SEC22A: variants seen among roughly 807,000 people sequenced by gnomAD.
The protein encoded by SEC22A is vesicle-trafficking protein SEC22a.
SEC22A carries 22 observed loss-of-function variants against 35.3 expected under a neutral mutation model. The observed-to-expected ratio is 0.62, with a 90% CI of 0.45 to 0.89. The LOEUF is 0.89. Among genes scored for constraint, SEC22A ranks in the 40% least tolerant of loss-of-function variants. SEC22A has a pLI of 0.00. For missense variants in SEC22A, 354 were observed against 362.5 expected (o/e 0.98, Z 0.19); for synonymous variants, 119 against 129.5 (o/e 0.92, Z 0.55).
intron 2 of SEC22A, among the ~76,000 whole-genome samples, chr3:123,212,554 CTT>C (rs942709103): frequency 3.3e-5 from 5 of 151,870 alleles, no homozygotes; most frequent in East Asian, 1.9e-4. Context: ...TTTTGACTCT[CTT>C]TTAAAATTAA....
intron 4 of SEC22A, among the ~76,000 whole-genome samples, chr3:123,226,748 G>T (rs1489921402): frequency 6.6e-6 from 1 of 152,124 alleles, no homozygotes; most frequent in Non-Finnish European, 1.5e-5. Flanking sequence ...TTTTGCATTG[G>T]TTGCCTGTAC....
chr3:123,273,808 C>CAAAAAAAAAAAAAAAAAAAAAAAAA lies in SEC22A; in HGVS notation c.*2092_*2093insAAAAAAAAAAAAAAAAAAAAAAAAA, dbSNP rs1433321578. On this transcript the variant is annotated 3_prime_UTR_variant, in exon 7 of 7. Transcript: ENST00000492595. ...TGGCCAACAGAGCGAGACTCTGTCTCAAAAAAGAAAGGTTTTCTAAACTAA... is the reference window on the plus strand; with the variant it reads ...TGGCCAACAGAGCGAGACTCTGTCTCAAAAAAAAAAAAAAAAAAAAAAAAAAAAAAAGAAAGGTTTTCTAAACTAA... The CAAAAAAAAAAAAAAAAAAAAAAAAA allele has an allele frequency of 2.0e-5, 3 of 151,748 alleles. No homozygotes were observed. The highest frequency in any genetic ancestry group is 6.5e-5 in the Admixed American group (1 of 15,272). 9.4% of individuals were successfully genotyped at this position (151,748 alleles called of 1,614,324 possible). A position where few individuals can be genotyped will look rare whatever the true frequency, so the allele number is the denominator to read the frequency against.
At chr3:123,241,357 T>G (rs1202433715) in intron 4 of SEC22A, among the ~76,000 whole-genome samples, 3 of 152,158 alleles carry the variant, frequency 2.0e-5, no homozygotes, top group Non-Finnish European at 4.4e-5. Flanking sequence ...TCAGTCACAC[T>G]TCAGTAATAA....
intron 5 of SEC22A, among the ~76,000 whole-genome samples, chr3:123,247,696 A>G (rs142909661): frequency 2.6e-4 from 40 of 152,320 alleles, no homozygotes; most frequent in African/African-American, 9.6e-4. Context: ...CAGAAGAACA[A>G]TAATCTTATT....
chr3:123,209,129 A>C, intron 1 of SEC22A, 70 bp from the exon 2 acceptor site: 1 of 1,244,468 alleles, frequency 8.0e-7, no homozygotes, highest in Non-Finnish European at 1.2e-6. Context: ...AGTAAGTTGA[A>C]CATTTTTACA....
chr3:123,265,230 T>C (rs1028792106), intron 6 of SEC22A, among the ~76,000 whole-genome samples: 3 of 152,210 alleles, frequency 2.0e-5, no homozygotes, highest in African/African-American at 7.2e-5. Context: ...AATGCAAATA[T>C]TGTGCCATTT....
chr3:123,221,149 C>G (rs1036354679), intron 2 of SEC22A, among the ~76,000 whole-genome samples: 17 of 151,468 alleles, frequency 1.1e-4, no homozygotes, highest in African/African-American at 3.9e-4. Flanking sequence ...AGTAAGGTGA[C>G]CAGTATGGAT....
chr3:123,202,717 G>T (rs900668694), intron 1 of SEC22A, among the ~76,000 whole-genome samples: 6 of 152,138 alleles, frequency 3.9e-5, no homozygotes, highest in African/African-American at 1.4e-4. Context: ...TCATCCACCT[G>T]GGGCAGGGGG....
intron 2 of SEC22A, among the ~76,000 whole-genome samples, chr3:123,218,476 CTGTG>C (rs1190718524): frequency 7.2e-5 from 11 of 151,850 alleles, no homozygotes; most frequent in African/African-American, 2.7e-4. Context: ...GTGTGTCTGT[CTGTG>C]TGTGAGTAAT....
chr3:123,218,411 C>T (rs952443583), intron 2 of SEC22A, among the ~76,000 whole-genome samples: 4 of 152,100 alleles, frequency 2.6e-5, no homozygotes, highest in Non-Finnish European at 5.9e-5. Context: ...AAAACCTTGG[C>T]AATTTAAAAA....
At chr3:123,250,148 G>A (rs1054650538) in intron 5 of SEC22A, among the ~76,000 whole-genome samples, 5 of 151,996 alleles carry the variant, frequency 3.3e-5, no homozygotes, top group East Asian at 3.9e-4. Flanking sequence ...ACGGTGGCTC[G>A]CACCTGTAAT....
intron 4 of SEC22A, among the ~76,000 whole-genome samples, chr3:123,227,448 G>A (rs547938735): frequency 1.3e-5 from 2 of 151,936 alleles, no homozygotes; most frequent in East Asian, 3.9e-4. Flanking sequence ...ACACACGGGG[G>A]CCTGTCAAGG....
intron 4 of SEC22A, among the ~76,000 whole-genome samples, chr3:123,236,584 A>G (rs1937422537): frequency 6.6e-6 from 1 of 152,104 alleles, no homozygotes; most frequent in African/African-American, 2.4e-5. Flanking sequence ...GGGTGAACTT[A>G]GTTTTGAATC....
At chr3:123,251,208 T>C (rs1937609998) in intron 5 of SEC22A, among the ~76,000 whole-genome samples, 1 of 152,232 alleles carries the variant, frequency 6.6e-6, no homozygotes, top group African/African-American at 2.4e-5. Flanking sequence ...TTTTTTTGTT[T>C]ATTTAAAACA....
At chr3:123,208,456 C>T (rs1445555981) in intron 1 of SEC22A, 2 of 152,050 alleles carry the variant, frequency 1.3e-5, no homozygotes, top group African/African-American at 4.8e-5. Context: ...ACTGTTTGTA[C>T]CAGTTTTTAC....
At chr3:123,230,965 G>A (rs1937315743) in intron 4 of SEC22A, among the ~76,000 whole-genome samples, 1 of 152,016 alleles carries the variant, frequency 6.6e-6, no homozygotes, top group Admixed American at 6.6e-5. Context: ...TAGATTGAAA[G>A]TCAAAGGATA....
intron 1 of SEC22A, among the ~76,000 whole-genome samples, chr3:123,203,107 C>T (rs1410365771): frequency 9.9e-6 from 1 of 100,640 alleles, no homozygotes; most frequent in Admixed American, 1.6e-4. Context: ...TGGTTAAAAT[C>T]GAAGTATATC....
intron 4 of SEC22A, among the ~76,000 whole-genome samples, chr3:123,227,263 G>T (rs1937232081): frequency 1.3e-5 from 2 of 151,912 alleles, no homozygotes; most frequent in South Asian, 4.2e-4. Context: ...GCTAAAGTCA[G>T]CTTCCCTATG....
At position 123,259,231 on chromosome 3, in the gene SEC22A, G is replaced by T. The variant is rs569495126; in HGVS notation, c.658-293G>T. ...TACATGATTTTTTTAGCAGTAGGAG[G>T]AGAGGCTTTTATCGTTATGTCAGAA... On this transcript the variant is annotated intron_variant, in intron 5 of 6. Transcript: ENST00000492595. 3.0e-4 allele frequency among the ~76,000 whole-genome samples: 46 copies of T among 152,276 alleles called. No homozygotes were observed. The South Asian group carries it at 4.6e-3, about 15-fold the overall frequency.
Sources: gnomAD v4.1 joint callset for allele counts (sites outside exome capture counted in the v4.1 genomes callset) on GRCh38, gnomAD v4.1.1 for gene constraint, MANE v1.5 for transcripts, NCBI Gene and HGNC (gene_info 2026-07-23, HGNC 2026-07-21) for gene names.